Variants in POLR1F observed in about 807,000 individuals in gnomAD.
POLR1F encodes the protein DNA-directed RNA polymerase I subunit RPA43.
POLR1F carries 23 observed loss-of-function variants against 21.8 expected under a neutral mutation model. That is an observed-to-expected ratio of 1.05 (90% CI 0.76 to 1.49). The LOEUF is 1.49. Among genes scored for constraint, POLR1F ranks in the 40% most tolerant of loss-of-function variants. The pLI, the probability that POLR1F is intolerant of heterozygous loss-of-function variation, is 0.00. For missense variants in POLR1F, 435 were observed against 412.1 expected, an observed-to-expected ratio of 1.06 and a Z score of -0.48; for synonymous variants, 162 against 152.8, an observed-to-expected ratio of 1.06 and a Z score of -0.45.
chr7:19,701,540 C>T (rs1029719759), intron 2 of POLR1F, among the ~76,000 whole-genome samples: 12 of 152,148 alleles, frequency 7.9e-5, no homozygotes, highest in Admixed American at 3.3e-4. Flanking sequence ...AGGGAATAGT[C>T]ACAAACCTTT....
chr7:19,708,115 G>A (rs777083696), intron 1 of POLR1F, among the ~76,000 whole-genome samples: 2 of 151,880 alleles, frequency 1.3e-5, no homozygotes, highest in Admixed American at 6.6e-5. Context: ...AAATGCATAC[G>A]TTTTGGTTTT....
chr7:19,708,623 C>G, intron 1 of POLR1F, 140 bp downstream of exon 1: 1 of 1,202,588 alleles, frequency 8.3e-7, no homozygotes, highest in Non-Finnish European at 1.2e-6. Context: ...AGGGACGGAT[C>G]GCGACTCTAG....
At position 19,700,141 on chromosome 7, in the gene POLR1F, A is replaced by T. The variant is rs1403236339; in HGVS notation, c.536T>A (p.Phe179Tyr). ...MEINMGDELE[F>Y]EVFRLDSDAA... ...ATCTGAGTCTAAACGAAATACTTCA[A>T]ATTCTAGTTCATCACCCATGTTTAT... Residue 179 changes from phenylalanine to tyrosine, a missense_variant, in exon 3 of 4, where the codon TTT becomes TAT. Physicochemically the swap from Phe to Tyr is conservative, Grantham distance 22. Coordinates refer to ENST00000222567, the MANE Select transcript of POLR1F (RefSeq NM_001002926.2). The T allele has an allele frequency of 1.2e-6, 2 of 1,613,964 alleles. No individual in the cohort carries two copies. The highest frequency in any genetic ancestry group is 4.5e-5 in the East Asian group (2 of 44,870).
intron 1 of POLR1F, 147 bp from the exon 2 acceptor site, chr7:19,705,067 G>T (rs1164643369): frequency 3.2e-5 from 23 of 718,398 alleles, no homozygotes; most frequent in Non-Finnish European, 4.9e-5. Context: ...GGGCTCAATT[G>T]ATCCTTCTGC....
chr7:19,705,056 T>C (rs1783502170), intron 1 of POLR1F, 136 bp from the exon 2 acceptor site: 1 of 767,756 alleles, frequency 1.3e-6, no homozygotes, highest in Non-Finnish European at 2.0e-6. Context: ...CTCGACCTCC[T>C]GGGCTCAATT....
chr7:19,703,606 GT>G (rs974130598), intron 2 of POLR1F, among the ~76,000 whole-genome samples: 49 of 152,220 alleles, frequency 3.2e-4, no homozygotes, highest in Admixed American at 3.2e-3. Flanking sequence ...ATGTGTGTGT[GT>G]ATTTTTACAG....
rs1366825656 is a variant in POLR1F at position 19,704,256 on chromosome 7, G to A, written c.396+523C>T. On this transcript the variant is annotated intron_variant, in intron 2 of 3. Coordinates refer to ENST00000222567, the MANE Select transcript of POLR1F (RefSeq NM_001002926.2). Reference sequence around the variant, plus strand: ...GGAGGAAGAGAGGAGAAAGTAAAGAGTAAAAAAGGATCTATTTCAGCAGAT... The same window carrying A: ...GGAGGAAGAGAGGAGAAAGTAAAGAATAAAAAAGGATCTATTTCAGCAGAT... Among the ~76,000 whole-genome samples the A allele has an allele frequency of 2.6e-5, 4 of 152,272 alleles. No individual in the cohort carries two copies. The South Asian group carries it at 6.2e-4, about 24-fold the overall frequency.
chr7:19,708,686 T>C, intron 1 of POLR1F, 77 bp downstream of exon 1: 1 of 1,548,330 alleles, frequency 6.5e-7, no homozygotes, highest in Non-Finnish European at 8.8e-7. Flanking sequence ...CATTTGCCCC[T>C]TTCTGCTGCG....
rs917201251 is a variant in POLR1F at position 19,696,120 on chromosome 7, A to AC, written c.*2195_*2196insG. On this transcript the variant is annotated 3_prime_UTR_variant, in exon 4 of 4. Coordinates refer to ENST00000222567, the MANE Select transcript of POLR1F (RefSeq NM_001002926.2). ...GAGCAAATTCCAAGATAGAAAAGATAGACTAGGTTAGTGCAGCATGTGCCA... is the reference window on the plus strand; with the variant it reads ...GAGCAAATTCCAAGATAGAAAAGATACGACTAGGTTAGTGCAGCATGTGCCA... 1 of 152,128 alleles carries AC rather than the reference A, an allele frequency of 6.6e-6. No individual in the cohort carries two copies. Among genetic ancestry groups the AC allele is most frequent in the African/African-American group, 2.4e-5 (1 of 41,452 alleles). The allele number at this position is 152,128 out of a possible 1,614,324, so 9.4% of individuals were successfully genotyped here.
intron 1 of POLR1F, 32 bp from the exon 2 acceptor site, chr7:19,704,952 T>G (rs760896045): frequency 2.6e-6 from 4 of 1,536,532 alleles, no homozygotes; most frequent in Middle Eastern, 1.8e-4. Context: ...AATGATACCT[T>G]TTATCGTCTT....
chr7:19,705,846 TCAAA>T (rs532665163), intron 1 of POLR1F, among the ~76,000 whole-genome samples: 47 of 152,254 alleles, frequency 3.1e-4, no homozygotes, highest in African/African-American at 9.4e-4. Flanking sequence ...AGACTCCATC[TCAAA>T]CAAAGGAACA....
At chr7:19,699,151 T>G (rs930436329) in intron 3 of POLR1F, among the ~76,000 whole-genome samples, 2 of 152,158 alleles carry the variant, frequency 1.3e-5, no homozygotes, top group African/African-American at 4.8e-5. Flanking sequence ...CTGGTATTTA[T>G]CAAAGCAATG....
chr7:19,695,501 T>C lies in POLR1F; in HGVS notation c.*2815A>G, dbSNP rs1375980513. The C allele has an allele frequency of 6.6e-6, 1 of 152,076 alleles. No homozygotes were observed. Among genetic ancestry groups the C allele is most frequent in the Non-Finnish European group, 1.5e-5 (1 of 67,964 alleles). 9.4% of individuals were successfully genotyped at this position (152,076 alleles called of 1,614,324 possible). A position where few individuals can be genotyped will look rare whatever the true frequency, so the allele number is the denominator to read the frequency against. ...TGCTTTTTATTTATCAATTTAAAATTATCTGTTGATGCTTTCATTATACAA... is the reference window on the plus strand; with the variant it reads ...TGCTTTTTATTTATCAATTTAAAATCATCTGTTGATGCTTTCATTATACAA... On this transcript the variant is annotated 3_prime_UTR_variant, in exon 4 of 4. Transcript: ENST00000222567.
chr7:19,708,692 C>T lies in POLR1F; in HGVS notation c.254+71G>A, dbSNP rs2128007628. ...GACCTTTGCCATTTGCCCCTTTCTGCTGCGTCGTCAGCACATCCACCTGCT... is the reference window on the plus strand; with the variant it reads ...GACCTTTGCCATTTGCCCCTTTCTGTTGCGTCGTCAGCACATCCACCTGCT... On this transcript the variant is annotated intron_variant, in intron 1 of 3. Coordinates refer to ENST00000222567, the MANE Select transcript of POLR1F (RefSeq NM_001002926.2). 6 of 1,552,310 alleles carry T rather than the reference C, an allele frequency of 3.9e-6. No individual in the cohort carries two copies. The East Asian group carries it at 1.1e-4, about 29-fold the overall frequency.
chr7:19,708,946 C>T lies in POLR1F; in HGVS notation c.71G>A (p.Gly24Asp). The change falls in exon 1 of 4, where the codon GGC becomes GAC. Residue 24 changes from glycine to aspartate, a missense_variant. Coordinates refer to ENST00000222567, the MANE Select transcript of POLR1F (RefSeq NM_001002926.2). Reference sequence around the variant, plus strand: ...CGGCAACTCTAGGCAAGGCAGGACGCCAGCCTGCCCTACCAGAGACCCATC... The same window carrying T: ...CGGCAACTCTAGGCAAGGCAGGACGTCAGCCTGCCCTACCAGAGACCCATC... ...ASDGSLVGQA[G>D]VLPCLELPTY... is the part of the protein sequence containing the mutation. The T allele has an allele frequency of 6.2e-7, 1 of 1,612,698 alleles. No individual in the cohort carries two copies. Among genetic ancestry groups the T allele is most frequent in the South Asian group, 1.1e-5 (1 of 91,072 alleles).
In POLR1F at chr7:19,703,668, C is replaced by T. The variant is rs569106073; in HGVS notation, c.396+1111G>A. Among the ~76,000 whole-genome samples, 5 of 152,272 alleles carry T rather than the reference C, an allele frequency of 3.3e-5. No homozygotes were observed. The Middle Eastern group carries it at 0.017, about 518-fold the overall frequency. Reference sequence around the variant, plus strand: ...GGAATGCATTGGCGCAATCATAGCTCACTGCAGCCTTGAACCCCTGGGCTC... The same window carrying T: ...GGAATGCATTGGCGCAATCATAGCTTACTGCAGCCTTGAACCCCTGGGCTC... On this transcript the variant is annotated intron_variant, in intron 2 of 3. Transcript: ENST00000222567.
chr7:19,706,304 T>A (rs149327969), intron 1 of POLR1F, among the ~76,000 whole-genome samples: 1,674 of 152,216 alleles, frequency 0.011, 36 homozygotes, highest in African/African-American at 0.038. Flanking sequence ...AAGACAATGT[T>A]AGGGACACAG....
At chr7:19,700,019 A>G in intron 3 of POLR1F, 53 bp downstream of exon 3, 1 of 1,429,706 alleles carries the variant, frequency 7.0e-7, no homozygotes, top group Non-Finnish European at 9.8e-7. Flanking sequence ...TTTAAAATTC[A>G]GAATTAAATA....
Sources: gnomAD v4.1 joint callset for allele counts (sites outside exome capture counted in the v4.1 genomes callset) on GRCh38, gnomAD v4.1.1 for gene constraint, MANE v1.5 for transcripts, NCBI Gene and HGNC (gene_info 2026-07-23, HGNC 2026-07-21) for gene names.